PHF24: variants seen among roughly 807,000 people sequenced by gnomAD.
PHF24 encodes Galpha inhibitory interacting protein.
A neutral mutation model predicts 42.6 loss-of-function variants in PHF24; 25 were observed. The ratio of observed to expected loss-of-function variants is 0.59; its 90% CI spans 0.43 to 0.82. PHF24 has a LOEUF of 0.82. PHF24 is among the 40% of genes least tolerant of loss of function. The pLI, the probability that PHF24 is intolerant of heterozygous loss-of-function variation, is 0.00. For missense variants in PHF24, 470 were observed against 538.1 expected (o/e 0.87, Z 1.25); for synonymous variants, 185 against 204.8 (o/e 0.90, Z 0.83).
chr9:34,763,932 CT>C, the PHF24 span, among the ~76,000 whole-genome samples: 1 of 152,052 alleles, frequency 6.6e-6, no homozygotes, highest in African/African-American at 2.4e-5. Flanking sequence ...TGTCAAAGGC[CT>C]TTTCTGCATC....
At chr9:34,742,837 C>A in the PHF24 span, among the ~76,000 whole-genome samples, 1 of 152,112 alleles carries the variant, frequency 6.6e-6, no homozygotes, top group Non-Finnish European at 1.5e-5. Flanking sequence ...AAGACAATTA[C>A]CTATAATAAA....
chr9:34,666,697 C>T, the PHF24 span, among the ~76,000 whole-genome samples: 2 of 152,040 alleles, frequency 1.3e-5, no homozygotes, highest in Non-Finnish European at 2.9e-5. Context: ...CCTTTAATCC[C>T]AGCACTTTGG....
chr9:34,737,405 A>G, the PHF24 span, among the ~76,000 whole-genome samples: 1 of 152,216 alleles, frequency 6.6e-6, no homozygotes, highest in African/African-American at 2.4e-5. Context: ...AGAATAATCA[A>G]TTACATGGAC....
At chr9:34,787,540 T>G in the PHF24 span, among the ~76,000 whole-genome samples, 12 of 152,212 alleles carry the variant, frequency 7.9e-5, no homozygotes, top group Non-Finnish European at 1.6e-4. Context: ...GGTTTCCATC[T>G]CATTCCATCC....
the PHF24 span, among the ~76,000 whole-genome samples, chr9:34,851,243 G>A: frequency 6.6e-6 from 1 of 152,324 alleles, no homozygotes; most frequent in African/African-American, 2.4e-5. Context: ...TTGAGCTGTG[G>A]TGGGCTCCAC....
chr9:34,724,149 T>G, the PHF24 span: 2 of 1,550,018 alleles, frequency 1.3e-6, no homozygotes, highest in South Asian at 2.4e-5. Context: ...TTGCTAGGGC[T>G]TTGAGGCTCA....
chr9:34,916,810 C>T, the PHF24 span, among the ~76,000 whole-genome samples: 41 of 152,070 alleles, frequency 2.7e-4, no homozygotes, highest in Non-Finnish European at 4.0e-4. Flanking sequence ...TCAGAGAGTG[C>T]GTGGGAGCAT....
At chr9:34,832,413 T>C in the PHF24 span, 8 of 1,232,872 alleles carry the variant, frequency 6.5e-6, no homozygotes, top group South Asian at 8.0e-5. Context: ...CCGAAGCTTA[T>C]TGTCTAGGGA....
At chr9:34,693,778 G>A in the PHF24 span, among the ~76,000 whole-genome samples, 3 of 152,290 alleles carry the variant, frequency 2.0e-5, no homozygotes, top group East Asian at 5.8e-4. Context: ...GGCCTGCTAT[G>A]TTGTTATGTT....
At chr9:34,724,975 G>A in the PHF24 span, 3 of 1,551,868 alleles carry the variant, frequency 1.9e-6, no homozygotes, top group Admixed American at 5.9e-5. Context: ...GGTGTTCAGT[G>A]ACAGTACCTG....
chr9:34,842,263 T>A, the PHF24 span, among the ~76,000 whole-genome samples: 4 of 152,336 alleles, frequency 2.6e-5, no homozygotes, highest in African/African-American at 9.6e-5. Flanking sequence ...TATTACCAGT[T>A]TGGGGCTACT....
the PHF24 span, among the ~76,000 whole-genome samples, chr9:34,698,459 G>T: frequency 6.6e-6 from 1 of 152,094 alleles, no homozygotes; most frequent in Non-Finnish European, 1.5e-5. Flanking sequence ...CAAAATGGCT[G>T]GATTATTGCA....
chr9:34,852,236 G>A, the PHF24 span, among the ~76,000 whole-genome samples: 3 of 152,150 alleles, frequency 2.0e-5, no homozygotes, highest in African/African-American at 4.8e-5. Context: ...TACAAAATAT[G>A]TGTTAATTTT....
chr9:34,895,434 A>G, the PHF24 span: 2 of 397,150 alleles, frequency 5.0e-6, no homozygotes, highest in Non-Finnish European at 8.9e-6. Context: ...TGCCAACCAG[A>G]ATAATCACCC....
At chr9:34,793,802 C>T in the PHF24 span, among the ~76,000 whole-genome samples, 2 of 149,410 alleles carry the variant, frequency 1.3e-5, no homozygotes, top group African/African-American at 4.9e-5. Context: ...TTAAGTGTCC[C>T]AGCCCCCAAG....
At chr9:34,872,148 CCTTTT>C in the PHF24 span, among the ~76,000 whole-genome samples, 1 of 151,112 alleles carries the variant, frequency 6.6e-6, no homozygotes, top group Non-Finnish European at 1.5e-5. Context: ...TTTCTTTTTT[CCTTTT>C]GAGTGCCAAT....
chr9:34,950,088 T>C, the PHF24 span, among the ~76,000 whole-genome samples: 3 of 151,854 alleles, frequency 2.0e-5, no homozygotes, highest in Admixed American at 1.3e-4. Flanking sequence ...AAAATTTATA[T>C]AATTATATTA....
At chr9:34,840,168 A>G in the PHF24 span, among the ~76,000 whole-genome samples, 19 of 152,224 alleles carry the variant, frequency 1.2e-4, no homozygotes, top group African/African-American at 4.3e-4. Flanking sequence ...AGATTAATTG[A>G]TTTTTTAAAG....
At chr9:34,978,194 C>G in exon 8 of PHF24, 1 of 1,082,658 alleles carries the variant, frequency 9.2e-7, no homozygotes. Context: ...ACCTCTGGCA[C>G]AGAGACTCAT....
Sources: allele counts gnomAD v4.1 joint callset (sites outside exome capture counted in the v4.1 genomes callset), GRCh38; gene constraint gnomAD v4.1.1; transcripts MANE v1.5; gene names NCBI Gene and HGNC (gene_info 2026-07-23, HGNC 2026-07-21).